The following MMS19 variants were observed in gnomAD, a reference collection of about 807,000 sequenced individuals.
MMS19 encodes MMS19 cytosolic iron-sulfur assembly component, also known as MMS19 nucleotide excision repair protein homolog.
A neutral mutation model predicts 129.8 loss-of-function variants in MMS19; 77 were observed. The ratio of observed to expected loss-of-function variants is 0.59; its 90% CI spans 0.49 to 0.72. The LOEUF is 0.72. MMS19 is among the 30% of genes least tolerant of loss of function. MMS19 has a pLI of 0.00. For missense variants in MMS19, 1,168 were observed against 1,266.3 expected, an observed-to-expected ratio of 0.92 and a Z score of 1.18; for synonymous variants, 491 against 502.8, an observed-to-expected ratio of 0.98 and a Z score of 0.31.
At chr10:97,474,267 G>T (rs567688241) in intron 8 of MMS19, among the ~76,000 whole-genome samples, 46 of 152,186 alleles carry the variant, frequency 3.0e-4, no homozygotes, top group African/African-American at 1.0e-3. Flanking sequence ...TTTGTGGCTG[G>T]ATATGTGGCT....
At chr10:97,492,725 G>A (rs1181864612) in intron 1 of MMS19, among the ~76,000 whole-genome samples, 4 of 151,322 alleles carry the variant, frequency 2.6e-5, no homozygotes, top group Non-Finnish European at 5.9e-5. Flanking sequence ...TGTCCATGAT[G>A]GCATGGGCCT....
At chr10:97,478,445 C>T (rs2036163241) in intron 3 of MMS19, 56 bp from the exon 4 acceptor site, 3 of 1,281,424 alleles carry the variant, frequency 2.3e-6, no homozygotes, top group Non-Finnish European at 3.3e-6. Flanking sequence ...GGCCCAAGAG[C>T]TTTGTTCCTT....
Position 97,458,387 on chromosome 10 carries a change from C to T in MMS19, c.*305G>A. ...CATCTGCCAGCCCTGGTCCTCAGGG[C>T]CACACTCATATGCACTCACCCCTCA... is the stretch of plus-strand genomic sequence containing the variant. On this transcript the variant is annotated 3_prime_UTR_variant, in exon 31 of 31. Coordinates refer to ENST00000438925, the MANE Select transcript of MMS19 (RefSeq NM_022362.5). 1 of 323,664 alleles carries T rather than the reference C, an allele frequency of 3.1e-6. No individual in the cohort carries two copies. The highest frequency in any genetic ancestry group is 5.6e-6 in the Non-Finnish European group (1 of 178,324). 20.0% of individuals were successfully genotyped at this position (323,664 alleles called of 1,614,324 possible). A position where few individuals can be genotyped will look rare whatever the true frequency, so the allele number is the denominator to read the frequency against.
intron 14 of MMS19, among the ~76,000 whole-genome samples, 184 bp from the exon 15 acceptor site, chr10:97,467,085 T>C (rs1177304701): frequency 6.6e-6 from 1 of 152,106 alleles, no homozygotes; most frequent in Non-Finnish European, 1.5e-5. Context: ...TTCAAGCCAT[T>C]CTCCTGCCTC....
chr10:97,478,033 T>G (rs546396698), intron 4 of MMS19, 104 bp from the exon 5 acceptor site: 10 of 751,016 alleles, frequency 1.3e-5, no homozygotes, highest in Admixed American at 8.8e-5. Flanking sequence ...AATCACAGCA[T>G]CCTGGTTGAG....
intron 3 of MMS19, chr10:97,480,192 A>G (rs780702547): frequency 2.3e-6 from 1 of 442,240 alleles, no homozygotes; most frequent in Non-Finnish European, 4.6e-6. Flanking sequence ...CAATCCCCCG[A>G]GCCCTATGCA....
chr10:97,466,558 A>G lies in MMS19; in HGVS notation c.1451T>C (p.Leu484Pro). The change falls in exon 16 of 31, where the codon CTG becomes CCG. Residue 484 changes from leucine (L) to proline (P), a missense_variant. Transcript: ENST00000438925. Reference sequence around the variant, plus strand: ...CAGTCTGTACAGGTGACCCACTGCCAGCTCCAAGTCCTCATAAGATAGGAG... The same window carrying G: ...CAGTCTGTACAGGTGACCCACTGCCGGCTCCAAGTCCTCATAAGATAGGAG... The part of the protein sequence containing the change: ...PDLLSYEDLE[L>P]AVGHLYRLSF... The G allele has an allele frequency of 6.2e-7, 1 of 1,613,818 alleles. No individual in the cohort carries two copies. The highest frequency in any genetic ancestry group is 8.5e-7 in the Non-Finnish European group (1 of 1,179,716).
Position 97,462,094 on chromosome 10 carries a change from T to C in MMS19, c.2038A>G (p.Ile680Val), listed in dbSNP as rs367731247. The change falls in exon 21 of 31, where the codon ATT (isoleucine) becomes GTT (valine). Residue 680 changes from isoleucine (I) to valine (V), a missense_variant. Physicochemically the swap from Ile to Val is conservative, Grantham distance 29. Coordinates refer to ENST00000438925, the MANE Select transcript of MMS19 (RefSeq NM_022362.5). Reference sequence around the variant, plus strand: ...TTGCCATCCAAGAAGAGGGGCACAATGTGTGTCACACTCTGGGCAGCTAAC... The same window carrying C: ...TTGCCATCCAAGAAGAGGGGCACAACGTGTGTCACACTCTGGGCAGCTAAC... ...PELAAQSVTH[I>V]VPLFLDGNVS... The C allele has an allele frequency of 1.9e-6, 3 of 1,584,158 alleles. No homozygotes were observed. The highest frequency in any genetic ancestry group is 3.6e-5 in the Admixed American group (2 of 55,450).
intron 3 of MMS19, among the ~76,000 whole-genome samples, chr10:97,480,075 T>G (rs1369529787): frequency 2.0e-5 from 3 of 152,164 alleles, no homozygotes; most frequent in Non-Finnish European, 2.9e-5. Context: ...CCCCCATGTA[T>G]CCCCACATGT....
At chr10:97,496,889 T>C (rs577116384) in intron 1 of MMS19, among the ~76,000 whole-genome samples, 331 of 152,342 alleles carry the variant, frequency 2.2e-3, no homozygotes, top group Middle Eastern at 0.02. Context: ...GATAGCTATA[T>C]GATAAAGCAA....
chr10:97,498,308 C>G lies in MMS19; in HGVS notation c.77G>C (p.Gly26Ala), dbSNP rs2040191282. 2 of 1,572,640 alleles carry G rather than the reference C, an allele frequency of 1.3e-6. No homozygotes were observed. Among genetic ancestry groups the G allele is most frequent in the Non-Finnish European group, 1.7e-6 (2 of 1,166,346 alleles). ...CTGGTCAGCGGGGCCCTCTTGCTGA[C>G]CCACGACGAAGTCGTGCACGAGGCC... ...LWGLVHDFVV[G>A]QQEGPADQVA... Residue 26 changes from glycine (G) to alanine (A), a missense_variant, in exon 1 of 31, where the codon GGT becomes GCT. Physicochemically the swap from Gly to Ala is moderately conservative, Grantham distance 60. Transcript: ENST00000438925.
At chr10:97,487,594 C>A (rs1445006922) in intron 1 of MMS19, among the ~76,000 whole-genome samples, 1 of 151,904 alleles carries the variant, frequency 6.6e-6, no homozygotes, top group African/African-American at 2.4e-5. Context: ...GCTGGGATTA[C>A]AGGCGTGAGC....
In MMS19 at chr10:97,469,664, C is replaced by T. The variant is rs1348783460; in HGVS notation, c.906G>A (p.Trp302Ter). ...CACTCACCTCTCTGCGGATAGAAGC[C>T]CAAAGGCTGGGGAGGAAGTCCTTCA... ...KELKDFLPSLWASIRREVFQT... is the reference protein window; with the variant it reads ...KELKDFLPSL Residue 302 changes from tryptophan (W) to a stop codon, truncating the protein, a stop_gained, in exon 11 of 31, where the codon TGG becomes TGA. Transcript: ENST00000438925. LOFTEE classifies it high-confidence loss of function. 3.7e-6 allele frequency: 6 copies of T among 1,613,930 alleles called. No individual in the cohort carries two copies. The highest frequency in any genetic ancestry group is 5.1e-6 in the Non-Finnish European group (6 of 1,179,854).
At chr10:97,462,261 AATAT>A (rs2133316734) in intron 20 of MMS19, 142 bp from the exon 21 acceptor site, 2 of 649,090 alleles carry the variant, frequency 3.1e-6, no homozygotes, top group East Asian at 5.5e-5. Context: ...GCATTGAACA[AATAT>A]TAATTTGGCA....
At chr10:97,465,784 G>T in intron 18 of MMS19, 21 bp downstream of exon 18, 1 of 1,606,284 alleles carries the variant, frequency 6.2e-7, no homozygotes. Context: ...CAGTCCGTTG[G>T]TGGTTATTCC....
chr10:97,486,862 C>CATATATATGTATATAT (rs2037944156), intron 1 of MMS19, among the ~76,000 whole-genome samples: 1 of 85,080 alleles, frequency 1.2e-5, no homozygotes, highest in Non-Finnish European at 2.6e-5. Context: ...ATTAAAGTGC[C>CATATATATGTATATAT]ATATATATAT....
Position 97,462,121 on chromosome 10 carries a change from TG to T in MMS19, c.2013-3del, listed in dbSNP as rs539520161. ...TGTGTCACACTCTGGGCAGCTAACC[TG>T]GGGGCAGAGTACTAGGTATGACCAA... On this transcript the variant is annotated splice_region_variant and splice_polypyrimidine_tract_variant and intron_variant, in intron 20 of 30. Transcript: ENST00000438925. The T allele has an allele frequency of 2.1e-5, 33 of 1,568,912 alleles. No homozygotes were observed. The highest frequency in any genetic ancestry group is 2.9e-5 in the Non-Finnish European group (33 of 1,155,996).
intron 15 of MMS19, 50 bp from the exon 16 acceptor site, chr10:97,466,635 CA>C: frequency 6.3e-7 from 1 of 1,579,120 alleles, no homozygotes; most frequent in Non-Finnish European, 8.7e-7. Flanking sequence ...CTGCAGCCAT[CA>C]CAACCCTTCT....
chr10:97,498,159 T>G, intron 1 of MMS19, 114 bp downstream of exon 1: 2 of 1,009,826 alleles, frequency 2.0e-6, no homozygotes, highest in Non-Finnish European at 2.9e-6. Context: ...TAACCAGCCT[T>G]GAGACCAATC....
Sources: gnomAD v4.1 joint callset for allele counts (sites outside exome capture counted in the v4.1 genomes callset) on GRCh38, gnomAD v4.1.1 for gene constraint, MANE v1.5 for transcripts, NCBI Gene and HGNC (gene_info 2026-07-23, HGNC 2026-07-21) for gene names.